The following FOXP1 variants were observed in gnomAD, a reference collection of about 807,000 sequenced individuals.
The protein encoded by FOXP1 is forkhead box P1, also known as forkhead box protein P1.
Under a neutral mutation model 98.2 loss-of-function variants are expected in FOXP1, and 15 were observed. That is an observed-to-expected ratio of 0.15 (90% CI 0.10 to 0.24). FOXP1 has a LOEUF of 0.24. Among genes scored for constraint, FOXP1 ranks in the 10% least tolerant of loss-of-function variants. The pLI is 1.00. For missense variants in FOXP1, 633 were observed against 848.5 expected, an observed-to-expected ratio of 0.75 and a Z score of 3.15; for synonymous variants, 371 against 314.5, an observed-to-expected ratio of 1.18 and a Z score of -1.90.
chr3:71,098,094 A>G (rs1233812984), intron 7 of FOXP1, among the ~76,000 whole-genome samples: 1 of 152,224 alleles, frequency 6.6e-6, no homozygotes, highest in Non-Finnish European at 1.5e-5. Context: ...CTGCAAAATA[A>G]TAGCTCAATT....
intron 3 of FOXP1, among the ~76,000 whole-genome samples, chr3:71,382,147 C>T (rs1006861702): frequency 1.3e-5 from 2 of 152,002 alleles, no homozygotes; most frequent in East Asian, 1.9e-4. Flanking sequence ...TGGTGGTGCA[C>T]GCCTATAGTC....
intron 3 of FOXP1, among the ~76,000 whole-genome samples, chr3:71,365,210 A>G (rs917225133): frequency 6.6e-6 from 1 of 152,230 alleles, no homozygotes; most frequent in African/African-American, 2.4e-5. Flanking sequence ...GACTCTGGTC[A>G]GCACTTTCAC....
At chr3:71,413,938 G>A (rs2082994203) in intron 3 of FOXP1, among the ~76,000 whole-genome samples, 1 of 151,956 alleles carries the variant, frequency 6.6e-6, no homozygotes, top group East Asian at 1.9e-4. Context: ...GGAATTACGA[G>A]AAGGAGCCAA....
At chr3:71,130,860 T>C (rs1252016679) in intron 6 of FOXP1, 4 of 1,426,274 alleles carry the variant, frequency 2.8e-6, no homozygotes, top group Non-Finnish European at 3.7e-6. Context: ...AGAAATCTAT[T>C]AATGCCACAC....
chr3:71,165,729 T>C (rs1576151884), intron 6 of FOXP1, among the ~76,000 whole-genome samples: 1 of 151,464 alleles, frequency 6.6e-6, no homozygotes, highest in Non-Finnish European at 1.5e-5. Context: ...GCCAGAATGG[T>C]CTAGACATCA....
intron 5 of FOXP1, among the ~76,000 whole-genome samples, chr3:71,257,153 C>T (rs915058304): frequency 1.3e-5 from 2 of 152,172 alleles, no homozygotes; most frequent in Non-Finnish European, 2.9e-5. Context: ...TATAGTGCTT[C>T]TTTGTTATGG....
At chr3:71,060,299 C>T (rs1419256421) in intron 7 of FOXP1, among the ~76,000 whole-genome samples, 1 of 152,180 alleles carries the variant, frequency 6.6e-6, no homozygotes, top group Middle Eastern at 3.4e-3. Flanking sequence ...TGCCTATTTC[C>T]AACACCTTCA....
chr3:71,470,170 T>C (rs376417137), intron 3 of FOXP1, among the ~76,000 whole-genome samples: 1 of 152,320 alleles, frequency 6.6e-6, no homozygotes, highest in African/African-American at 2.4e-5. Flanking sequence ...AATTTATTAA[T>C]GTGTTCTCTC....
At chr3:71,480,303 C>T (rs555565264) in intron 3 of FOXP1, among the ~76,000 whole-genome samples, 64 of 152,326 alleles carry the variant, frequency 4.2e-4, no homozygotes, top group African/African-American at 1.5e-3. Flanking sequence ...GTGTCTGGCA[C>T]ACAGTATGCT....
intron 5 of FOXP1, among the ~76,000 whole-genome samples, chr3:71,222,561 G>T (rs956510137): frequency 6.6e-6 from 1 of 152,128 alleles, no homozygotes; most frequent in African/African-American, 2.4e-5. Flanking sequence ...TGGGATTACA[G>T]GTGCCCGCCA....
intron 12 of FOXP1, among the ~76,000 whole-genome samples, chr3:71,014,156 G>A (rs1343271173): frequency 2.6e-5 from 4 of 152,112 alleles, no homozygotes; most frequent in Non-Finnish European, 5.9e-5. Context: ...TGACAAATGG[G>A]ATCTAATTAA....
chr3:71,286,132 A>G (rs1162541768), intron 5 of FOXP1, among the ~76,000 whole-genome samples: 1 of 152,200 alleles, frequency 6.6e-6, no homozygotes, highest in Non-Finnish European at 1.5e-5. Context: ...TGCAATGACA[A>G]TACCAAGTGC....
chr3:71,202,098 C>T (rs1157522201), intron 5 of FOXP1, among the ~76,000 whole-genome samples: 1 of 152,186 alleles, frequency 6.6e-6, no homozygotes, highest in Non-Finnish European at 1.5e-5. Flanking sequence ...GTCTCCAATA[C>T]ACAATTTGAT....
chr3:71,318,024 T>A (rs2075178037), intron 4 of FOXP1, among the ~76,000 whole-genome samples: 1 of 151,734 alleles, frequency 6.6e-6, no homozygotes. Context: ...TAACACTGAA[T>A]TAAAGGGGCT....
At chr3:71,115,925 C>T (rs1284486786) in intron 6 of FOXP1, among the ~76,000 whole-genome samples, 1 of 151,686 alleles carries the variant, frequency 6.6e-6, no homozygotes, top group East Asian at 2.0e-4. Flanking sequence ...TTAGTAGAGG[C>T]GGGGTTTTGC....
intron 6 of FOXP1, among the ~76,000 whole-genome samples, chr3:71,151,042 T>C (rs895707565): frequency 6.6e-6 from 1 of 152,212 alleles, no homozygotes; most frequent in Non-Finnish European, 1.5e-5. Context: ...CTTACCTTAC[T>C]GGTTTAAGAG....
intron 2 of FOXP1, among the ~76,000 whole-genome samples, chr3:71,578,279 C>T (rs935545992): frequency 1.3e-5 from 2 of 152,032 alleles, no homozygotes; most frequent in Admixed American, 6.5e-5. Flanking sequence ...TCTTCAGTCA[C>T]GGGTTAAATG....
chr3:71,139,466 T>C (rs2059965917), intron 6 of FOXP1, among the ~76,000 whole-genome samples: 1 of 151,830 alleles, frequency 6.6e-6, no homozygotes, highest in Non-Finnish European at 1.5e-5. Flanking sequence ...TAACCTGCCT[T>C]GAACATTCAT....
chr3:71,166,852 T>C (rs753848678), intron 6 of FOXP1, among the ~76,000 whole-genome samples: 4 of 152,146 alleles, frequency 2.6e-5, no homozygotes, highest in Non-Finnish European at 4.4e-5. Flanking sequence ...TGTCTACATA[T>C]ATATGTTCTT....
Sources: allele counts gnomAD v4.1 joint callset (sites outside exome capture counted in the v4.1 genomes callset), GRCh38; gene constraint gnomAD v4.1.1; transcripts MANE v1.5; gene names NCBI Gene and HGNC (gene_info 2026-07-23, HGNC 2026-07-21).